The following CNTRL variants were observed in gnomAD, a reference collection of about 807,000 sequenced individuals.
CNTRL encodes 110 kDa centrosomal protein.
CNTRL carries 233 observed loss-of-function variants against 303.7 expected under a neutral mutation model. That is an observed-to-expected ratio of 0.77 (90% CI 0.69 to 0.86). CNTRL has a LOEUF of 0.86. Among genes scored for constraint, CNTRL ranks in the 40% least tolerant of loss-of-function variants. CNTRL has a pLI of 0.00. For synonymous variants in CNTRL, 900 were observed against 922.2 expected (o/e 0.98, Z 0.44); for missense variants, 2,524 against 2,650.6 (o/e 0.95, Z 1.05).
chr9:121,133,777 A>G (rs1266506650), intron 14 of CNTRL, among the ~76,000 whole-genome samples: 1 of 152,172 alleles, frequency 6.6e-6, no homozygotes, highest in Non-Finnish European at 1.5e-5. Context: ...CTATTTGGCC[A>G]TCTCGGAACG....
At chr9:121,119,366 G>A (rs1413733125) in intron 12 of CNTRL, among the ~76,000 whole-genome samples, 4 of 143,336 alleles carry the variant, frequency 2.8e-5, no homozygotes, top group Admixed American at 7.3e-5. Flanking sequence ...CGCAATCTCC[G>A]CTCACTGCAA....
intron 14 of CNTRL, among the ~76,000 whole-genome samples, chr9:121,129,422 C>T (rs1015643606): frequency 1.3e-5 from 2 of 152,036 alleles, no homozygotes; most frequent in African/African-American, 2.4e-5. Flanking sequence ...AGTTCACTCA[C>T]GATTTGGCTC....
intron 12 of CNTRL, among the ~76,000 whole-genome samples, chr9:121,119,978 C>A (rs2050157307): frequency 6.6e-6 from 1 of 152,134 alleles, no homozygotes; most frequent in Admixed American, 6.6e-5. Flanking sequence ...TAGATATGGT[C>A]AGGTGGCTGG....
chr9:121,150,473 A>T lies in CNTRL; in HGVS notation c.3953A>T (p.His1318Leu). 1 of 1,613,954 alleles carries T rather than the reference A, an allele frequency of 6.2e-7. No individual in the cohort carries two copies. Among genetic ancestry groups the T allele is most frequent in the East Asian group, 2.2e-5 (1 of 44,854 alleles). ...GTGCTGCATTGCAACGTCCCTGAAC[A>T]CCATAACTTAGTAAGTGGAAAGACA... ...MGVLHCNVPE[H>L]HNLENEVSRL... is the part of the protein sequence containing the mutation. The change falls in exon 25 of 44, where the codon CAC becomes CTC. Residue 1318 changes from histidine (H) to leucine (L), a missense_variant. By Grantham distance (99) the His-to-Leu change is moderately conservative (BLOSUM62 -3). Coordinates refer to ENST00000373855, the MANE Select transcript of CNTRL (RefSeq NM_007018.6).
intron 7 of CNTRL, among the ~76,000 whole-genome samples, chr9:121,103,565 A>C (rs1236875997): frequency 6.6e-6 from 1 of 152,228 alleles, no homozygotes; most frequent in East Asian, 1.9e-4. Flanking sequence ...TAATTAAACT[A>C]AAGAGCTTCT....
At chr9:121,129,619 C>A (rs1348993579) in intron 14 of CNTRL, among the ~76,000 whole-genome samples, 2 of 152,034 alleles carry the variant, frequency 1.3e-5, no homozygotes, top group Admixed American at 1.3e-4. Context: ...AATTGAATAC[C>A]CTTTATTTCT....
Position 121,150,260 on chromosome 9 carries a change from A to G in CNTRL, c.3740A>G (p.Tyr1247Cys). ...PFVPPPGYMM[Y>C]TVLPDGSPVP... Reference sequence around the variant, plus strand: ...GTGCCTCCTCCTGGATACATGATGTATACTGTGCTTCCTGATGGTTCTCCT... The same window carrying G: ...GTGCCTCCTCCTGGATACATGATGTGTACTGTGCTTCCTGATGGTTCTCCT... Residue 1247 changes from tyrosine to cysteine, a missense_variant, in exon 25 of 44, where the codon TAT (tyrosine) becomes TGT (cysteine). By Grantham distance (194) the Tyr-to-Cys change is radical (BLOSUM62 -2). Transcript: ENST00000373855. 6.2e-7 allele frequency: 1 copy of G among 1,614,196 alleles called. No homozygotes were observed.
Position 121,143,985 on chromosome 9 carries a change from C to T in CNTRL, c.2954C>T (p.Thr985Ile). The T allele has an allele frequency of 6.2e-7, 1 of 1,613,868 alleles. No individual in the cohort carries two copies. Among genetic ancestry groups the T allele is most frequent in the South Asian group, 1.1e-5 (1 of 91,052 alleles). ...AAGAAACTAAAGAAAGCCGTGGCCA[C>T]CTCTGATAAGCTAGCCACAGCTGAG... ...ELKKLKKAVA[T>I]SDKLATAELT... Residue 985 changes from threonine (T) to isoleucine (I), a missense_variant, in exon 20 of 44, where the codon ACC becomes ATC. Thr to Ile is a moderately conservative substitution (Grantham distance 89). Coordinates refer to ENST00000373855, the MANE Select transcript of CNTRL (RefSeq NM_007018.6).
Position 121,107,807 on chromosome 9 carries a change from G to C in CNTRL, c.814G>C (p.Val272Leu), listed in dbSNP as rs765886661. Residue 272 changes from valine (V) to leucine (L), a missense_variant, in exon 8 of 44, where the codon GTA becomes CTA. Coordinates refer to ENST00000373855, the MANE Select transcript of CNTRL (RefSeq NM_007018.6). ...EAFERFSLEEVERLERDLEKK... is the reference protein window; with the variant it reads ...EAFERFSLEELERLERDLEKK... ...TATTAAATTTTCATTGGCAGAAGAG[G>C]TAGAAAGACTGGAAAGAGACCTAGA... 1.3e-6 allele frequency: 2 copies of C among 1,555,398 alleles called. No homozygotes were observed. The highest frequency in any genetic ancestry group is 8.7e-7 in the Non-Finnish European group (1 of 1,155,774).
intron 15 of CNTRL, among the ~76,000 whole-genome samples, chr9:121,137,389 A>G: frequency 6.6e-6 from 1 of 152,168 alleles, no homozygotes; most frequent in East Asian, 1.9e-4. Flanking sequence ...AGCTCAGTGA[A>G]TGCCCAAATT....
chr9:121,150,523 C>G, intron 25 of CNTRL, 40 bp downstream of exon 25: 1 of 1,570,948 alleles, frequency 6.4e-7, no homozygotes, highest in South Asian at 1.1e-5. Flanking sequence ...CACACTGCTT[C>G]CATGGGTGAC....
At chr9:121,138,908 A>G (rs1023582521) in intron 16 of CNTRL, among the ~76,000 whole-genome samples, 1 of 152,208 alleles carries the variant, frequency 6.6e-6, no homozygotes, top group Non-Finnish European at 1.5e-5. Context: ...GCAAAGAGAT[A>G]GAGGCAGTGT....
chr9:121,166,617 C>G (rs145879092), intron 36 of CNTRL, among the ~76,000 whole-genome samples: 1 of 152,262 alleles, frequency 6.6e-6, no homozygotes, highest in South Asian at 2.1e-4. Context: ...AGATTTTTGA[C>G]CCTCATACTT....
chr9:121,115,823 C>T (rs758135197), intron 11 of CNTRL, among the ~76,000 whole-genome samples: 4 of 152,218 alleles, frequency 2.6e-5, no homozygotes, highest in South Asian at 2.1e-4. Flanking sequence ...TACATTCATA[C>T]CACAGTAGGT....
chr9:121,134,709 CGTTCTGGGTTT>C (rs763019672), intron 14 of CNTRL, among the ~76,000 whole-genome samples: 1 of 152,186 alleles, frequency 6.6e-6, no homozygotes, highest in Non-Finnish European at 1.5e-5. Context: ...GATTGAACCA[CGTTCTGGGTTT>C]GACTGATTGT....
chr9:121,133,683 G>A (rs2051009536), intron 14 of CNTRL, among the ~76,000 whole-genome samples: 1 of 152,228 alleles, frequency 6.6e-6, no homozygotes, highest in Admixed American at 6.5e-5. Flanking sequence ...GTGCCAATGA[G>A]ATAAACCAGG....
At chr9:121,087,395 T>C (rs2048385143) in intron 2 of CNTRL, among the ~76,000 whole-genome samples, 1 of 152,014 alleles carries the variant, frequency 6.6e-6, no homozygotes, top group Non-Finnish European at 1.5e-5. Context: ...GGATTGAGGT[T>C]ATAAATATCG....
rs540905068 is a variant in CNTRL, at chr9:121,154,921, T to G, written c.4365+8T>G. 9 of 1,613,722 alleles carry G rather than the reference T, an allele frequency of 5.6e-6. No homozygotes were observed. The African/African-American group carries it at 9.3e-5, about 17-fold the overall frequency. ...TCATGCACTAAAGAAAAGGTTTGTC[T>G]TCTTGTGGTTTGGGGTGTGAGCTCA... is the stretch of plus-strand genomic sequence containing the variant. On this transcript the variant is annotated splice_region_variant and intron_variant, in intron 27 of 43. Transcript: ENST00000373855.
intron 4 of CNTRL, among the ~76,000 whole-genome samples, chr9:121,093,990 G>A (rs1271480712): frequency 6.6e-6 from 1 of 151,976 alleles, no homozygotes; most frequent in East Asian, 1.9e-4. Flanking sequence ...CGCGCCTGTG[G>A]TCCCAGCTAC....
Sources: gnomAD v4.1 joint callset for allele counts (sites outside exome capture counted in the v4.1 genomes callset) on GRCh38, gnomAD v4.1.1 for gene constraint, MANE v1.5 for transcripts, NCBI Gene and HGNC (gene_info 2026-07-23, HGNC 2026-07-21) for gene names.